Variants in CYP4Z1 observed in about 807,000 individuals in gnomAD.
The protein encoded by CYP4Z1 is cytochrome P450 family 4 subfamily Z member 1.
Under a neutral mutation model 54.2 loss-of-function variants are expected in CYP4Z1, and 41 were observed. That is an observed-to-expected ratio of 0.76 (90% CI 0.59 to 0.98). The LOEUF (loss-of-function observed/expected upper bound fraction) is 0.98. Ranked by LOEUF, CYP4Z1 falls within the 50% of genes least tolerant of loss-of-function variation. CYP4Z1 has a pLI of 0.00. For synonymous variants in CYP4Z1, 163 were observed against 206.2 expected (o/e 0.79, Z 1.79); for missense variants, 513 against 599.0 (o/e 0.86, Z 1.50).
At chr1:47,111,430 G>A (rs749178468) in intron 9 of CYP4Z1, among the ~76,000 whole-genome samples, 8 of 152,068 alleles carry the variant, frequency 5.3e-5, no homozygotes, top group Non-Finnish European at 1.0e-4. Context: ...TGATCCACCC[G>A]CCTGGGCCTT....
At chr1:47,104,277 A>G (rs570942118) in intron 8 of CYP4Z1, among the ~76,000 whole-genome samples, 36 of 152,280 alleles carry the variant, frequency 2.4e-4, no homozygotes, top group Admixed American at 1.6e-3. Flanking sequence ...TGTTAGTGGA[A>G]GCTGTGGTGA....
intron 6 of CYP4Z1, among the ~76,000 whole-genome samples, chr1:47,093,499 GC>G (rs1182808242): frequency 3.9e-5 from 6 of 152,214 alleles, no homozygotes; most frequent in Non-Finnish European, 5.9e-5. Flanking sequence ...TTTTGGGCAA[GC>G]CTCCTTTAAT....
Position 47,106,259 on chromosome 1 carries a change from C to A in CYP4Z1, c.1199C>A (p.Ala400Glu). Residue 400 changes from alanine to glutamate, a missense_variant and splice_region_variant, in exon 9 of 12, where the codon GCA becomes GAA. Transcript: ENST00000334194. Reference sequence around the variant, plus strand: ...TTTCCAGATGGACGCTCCTTACCTGCAGGTCTTAAAACTTTTTTTTTTTTT... The same window carrying A: ...TTTCCAGATGGACGCTCCTTACCTGAAGGTCTTAAAACTTTTTTTTTTTTT... ...ITFPDGRSLP[A>E]GITVFINIWA... 2 of 1,586,750 alleles carry A rather than the reference C, an allele frequency of 1.3e-6. No individual in the cohort carries two copies. Among genetic ancestry groups the A allele is most frequent in the Non-Finnish European group, 1.7e-6 (2 of 1,173,586 alleles).
rs193279560 is a variant in CYP4Z1 at position 47,104,216 on chromosome 1, A to G, written c.1068-1912A>G. ...TAATCGCTGTATGATTTCTTCAACT[A>G]TAAACAGCATCATTTTTGTCTGTGA... On this transcript the variant is annotated intron_variant, in intron 8 of 11. Transcript: ENST00000334194. 4.1e-3 allele frequency among the ~76,000 whole-genome samples: 620 copies of G among 152,310 alleles called. 3 individuals carry two copies. Among genetic ancestry groups the G allele is most frequent in the African/African-American group, 0.014 (580 of 41,554 alleles).
At position 47,067,649 on chromosome 1, in the gene CYP4Z1, GT is replaced by G; in HGVS notation, c.161del (p.Phe54SerfsTer10). 1 of 1,607,922 alleles carries G rather than the reference GT, an allele frequency of 6.2e-7. No individual in the cohort carries two copies. Among genetic ancestry groups the G allele is most frequent in the Non-Finnish European group, 8.5e-7 (1 of 1,176,338 alleles). On this transcript the variant is annotated frameshift_variant, in exon 1 of 12. Transcript: ENST00000334194. LOFTEE classifies it high-confidence loss of function. ...HLFPAPPAHW[F>X]YGHKEFYPVK... ...TGTTTCCTGCACCCCCTGCCCACTG[GT>G]TCTATGGCCACAAGGAGGTAAGAGG...
chr1:47,115,745 T>A, intron 10 of CYP4Z1, 152 bp downstream of exon 10: 1 of 717,122 alleles, frequency 1.4e-6, no homozygotes, highest in Non-Finnish European at 2.3e-6. Flanking sequence ...AAGAGAAAAC[T>A]ACATTTGCAT....
chr1:47,117,764 AG>A lies in CYP4Z1; in HGVS notation c.1350del. The A allele has an allele frequency of 6.2e-7, 1 of 1,609,080 alleles. No homozygotes were observed. Among genetic ancestry groups the A allele is most frequent in the Non-Finnish European group, 8.5e-7 (1 of 1,177,456 alleles). On this transcript the variant is annotated splice_acceptor_variant, in intron 11 of 11. Transcript: ENST00000334194. LOFTEE classifies it high-confidence loss of function. Reference sequence around the variant, plus strand: ...CCATGTTTTCTTTCTTGGTATCCCCAGGAACTGCATTGGGCAGCATTTTGCC... The same window carrying A: ...CCATGTTTTCTTTCTTGGTATCCCCAGAACTGCATTGGGCAGCATTTTGCC...
chr1:47,085,074 T>C (rs1315909003), intron 6 of CYP4Z1, 96 bp downstream of exon 6: 44 of 596,474 alleles, frequency 7.4e-5, no homozygotes, highest in African/African-American at 3.8e-5. Flanking sequence ...TATGGACATA[T>C]GGCATGGTCA....
chr1:47,100,990 T>C (rs1488211157), intron 8 of CYP4Z1, among the ~76,000 whole-genome samples: 1 of 152,250 alleles, frequency 6.6e-6, no homozygotes, highest in Non-Finnish European at 1.5e-5. Context: ...CTGGGTAGGT[T>C]GAACGTTTCC....
At chr1:47,060,541 AC>A in the CYP4Z1 span, among the ~76,000 whole-genome samples, 1 of 152,230 alleles carries the variant, frequency 6.6e-6, no homozygotes, top group South Asian at 2.1e-4. Context: ...ATACAGGAGC[AC>A]CTGGATTCAT....
At position 47,117,478 on chromosome 1, in the gene CYP4Z1, C is replaced by T. The variant is rs545102622; in HGVS notation, c.1350-288C>T. On this transcript the variant is annotated intron_variant, in intron 11 of 11. Transcript: ENST00000334194. ...TTAAAACATGGATCTTGGCTGGGTG[C>T]GGTGGCTCTTACCTGTAATCCCAGC... Among the ~76,000 whole-genome samples, 11 of 152,146 alleles carry T rather than the reference C, an allele frequency of 7.2e-5. No homozygotes were observed. The South Asian group carries it at 1.7e-3, about 23-fold the overall frequency.
intron 7 of CYP4Z1, among the ~76,000 whole-genome samples, chr1:47,097,613 A>T (rs1050904466): frequency 6.6e-6 from 1 of 151,962 alleles, no homozygotes; most frequent in Non-Finnish European, 1.5e-5. Context: ...AGATCAGATG[A>T]TTGTAGGTGT....
intron 6 of CYP4Z1, among the ~76,000 whole-genome samples, chr1:47,088,013 G>A (rs1429097331): frequency 2.6e-5 from 4 of 152,160 alleles, no homozygotes; most frequent in Non-Finnish European, 5.9e-5. Flanking sequence ...ATTTGCGTAT[G>A]TTGAACCAGC....
chr1:47,077,438 T>C (rs1016070789), intron 2 of CYP4Z1, among the ~76,000 whole-genome samples: 3 of 152,158 alleles, frequency 2.0e-5, no homozygotes, highest in Non-Finnish European at 4.4e-5. Context: ...CTTTTACTTT[T>C]AACCTCTTTG....
chr1:47,095,131 C>G (rs1326614085), intron 7 of CYP4Z1, among the ~76,000 whole-genome samples: 1 of 152,194 alleles, frequency 6.6e-6, no homozygotes, highest in Admixed American at 6.5e-5. Context: ...GGGCACTTGT[C>G]TGTCTTTTTC....
At chr1:47,116,594 T>C (rs1644831642) in intron 10 of CYP4Z1, 56 bp from the exon 11 acceptor site, 17 of 1,215,958 alleles carry the variant, frequency 1.4e-5, no homozygotes, top group East Asian at 2.4e-5. Context: ...TTTGTTTTTG[T>C]TTTTTGTGGG....
At chr1:47,114,975 C>T (rs4609476) in intron 9 of CYP4Z1, among the ~76,000 whole-genome samples, 65,005 of 151,884 alleles carry the variant, frequency 0.43, 15,243 homozygotes, top group East Asian at 0.96. Flanking sequence ...TAAATCGTGC[C>T]GCTATAAAGA....
rs757365683 is a variant in CYP4Z1, at chr1:47,099,130, C to G, written c.913C>G (p.Gln305Glu). 4 of 1,613,940 alleles carry G rather than the reference C, an allele frequency of 2.5e-6. No homozygotes were observed. The highest frequency in any genetic ancestry group is 2.5e-6 in the Non-Finnish European group (3 of 1,179,994). ...NTKDFSEADL[Q>E]AEVKTFMFAG... ...CAAAGATTTCTCTGAAGCAGATCTC[C>G]AGGCTGAAGTGAAAACGTTCATGTT... Residue 305 changes from glutamine (Q) to glutamate (E), a missense_variant, in exon 8 of 12, where the codon CAG (glutamine) becomes GAG (glutamate). Physicochemically the swap from Gln to Glu is conservative, Grantham distance 29. Transcript: ENST00000334194.
chr1:47,117,629 T>C (rs1644839698), intron 11 of CYP4Z1, 137 bp from the exon 12 acceptor site: 2 of 921,256 alleles, frequency 2.2e-6, no homozygotes, highest in Non-Finnish European at 3.1e-6. Flanking sequence ...GGTGAGCACC[T>C]GTAATCCAGC....
Sources: gnomAD v4.1 joint callset for allele counts (sites outside exome capture counted in the v4.1 genomes callset) on GRCh38, gnomAD v4.1.1 for gene constraint, MANE v1.5 for transcripts, NCBI Gene and HGNC (gene_info 2026-07-23, HGNC 2026-07-21) for gene names.